RFX7: variants seen among roughly 807,000 people sequenced by gnomAD.
RFX7 encodes the protein regulatory factor X7.
A neutral mutation model predicts 111.8 loss-of-function variants in RFX7; 26 were observed. That is an observed-to-expected ratio of 0.23 (90% CI 0.17 to 0.32). RFX7 has a LOEUF of 0.32. Among genes scored for constraint, RFX7 ranks in the 10% least tolerant of loss-of-function variants. The pLI, the probability that RFX7 is intolerant of heterozygous loss-of-function variation, is 1.00. For synonymous variants in RFX7, 624 were observed against 624.4 expected, an observed-to-expected ratio of 1.00 and a Z score of 0.01; for missense variants, 1,573 against 1,772.9, an observed-to-expected ratio of 0.89 and a Z score of 2.02.
chr15:56,106,262 A>ATACT (rs751513779), intron 5 of RFX7, among the ~76,000 whole-genome samples: 1 of 152,172 alleles, frequency 6.6e-6, no homozygotes, highest in Non-Finnish European at 1.5e-5. Flanking sequence ...CTGGTTTTTG[A>ATACT]TACTTATTCT....
chr15:56,179,973 A>G (rs2042950872), intron 2 of RFX7, among the ~76,000 whole-genome samples: 1 of 152,232 alleles, frequency 6.6e-6, no homozygotes, highest in African/African-American at 2.4e-5. Context: ...CTGTTAATAT[A>G]TAACACAAAT....
In RFX7 at chr15:56,096,000, G is replaced by A. The variant is rs764579346; in HGVS notation, c.1728C>T (p.Asp576=). ...CATTTGAAGGTTTCTGCAGTGCTCCGTCTGTATTACTTTTCTGCCCCAAAA... is the reference window on the plus strand; with the variant it reads ...CATTTGAAGGTTTCTGCAGTGCTCCATCTGTATTACTTTTCTGCCCCAAAA... ...SALLGQKSNT[D]GALQKPSNEG... The change falls in exon 10 of 10, where the codon GAC becomes GAT. Residue 576 remains aspartate (D), a synonymous_variant. Coordinates refer to ENST00000559447, the MANE Select transcript of RFX7 (RefSeq NM_022841.7). 5.6e-6 allele frequency: 9 copies of A among 1,612,300 alleles called. No individual in the cohort carries two copies. Among genetic ancestry groups the A allele is most frequent in the East Asian group, 2.2e-5 (1 of 44,868 alleles).
chr15:56,121,606 T>C (rs2042079622), intron 5 of RFX7, among the ~76,000 whole-genome samples: 1 of 152,202 alleles, frequency 6.6e-6, no homozygotes, highest in African/African-American at 2.4e-5. Flanking sequence ...TCTCTTTGAA[T>C]AAACTTTCTA....
intron 5 of RFX7, among the ~76,000 whole-genome samples, chr15:56,130,747 T>TAAAAA (rs2042201151): frequency 2.0e-5 from 3 of 150,454 alleles, no homozygotes; most frequent in Non-Finnish European, 4.5e-5. Flanking sequence ...AAGAAAAATC[T>TAAAAA]AAAAAATAAA....
At chr15:56,153,391 C>A (rs745366866) in intron 3 of RFX7, among the ~76,000 whole-genome samples, 19 of 152,198 alleles carry the variant, frequency 1.2e-4, no homozygotes, top group Admixed American at 3.3e-4. Context: ...CCCTGGGATG[C>A]AAGGCTTGTT....
chr15:56,178,781 C>T (rs2042931533), intron 3 of RFX7, among the ~76,000 whole-genome samples: 1 of 152,152 alleles, frequency 6.6e-6, no homozygotes, highest in Non-Finnish European at 1.5e-5. Context: ...AACTAATCCA[C>T]TAAGCATCTT....
At chr15:56,216,698 CA>C (rs2043366047) in intron 2 of RFX7, among the ~76,000 whole-genome samples, 1 of 152,294 alleles carries the variant, frequency 6.6e-6, no homozygotes, top group South Asian at 2.1e-4. Context: ...ACTTTCCCCC[CA>C]AGTACAAGCC....
chr15:56,168,721 TAA>T (rs2042810784), intron 3 of RFX7, among the ~76,000 whole-genome samples: 1 of 152,162 alleles, frequency 6.6e-6, no homozygotes, highest in Non-Finnish European at 1.5e-5. Context: ...TTGAAGTTCC[TAA>T]AGTGGTTTTC....
At chr15:56,197,391 T>C (rs983840693) in intron 2 of RFX7, among the ~76,000 whole-genome samples, 1 of 152,180 alleles carries the variant, frequency 6.6e-6, no homozygotes, top group Non-Finnish European at 1.5e-5. Flanking sequence ...TTATGAAAAG[T>C]GCTTTTGACA....
chr15:56,154,760 C>G (rs2042627408), intron 3 of RFX7, among the ~76,000 whole-genome samples: 1 of 152,144 alleles, frequency 6.6e-6, no homozygotes. Context: ...GCAATGGCAA[C>G]AAAAGCCAGA....
At chr15:56,098,443 T>C in intron 8 of RFX7, 67 bp from the exon 9 acceptor site, 1 of 1,476,658 alleles carries the variant, frequency 6.8e-7, no homozygotes. Context: ...TTCCTTTGAA[T>C]TTCTTTGAGA....
At chr15:56,217,573 A>G (rs1302829397) in intron 2 of RFX7, among the ~76,000 whole-genome samples, 1 of 152,166 alleles carries the variant, frequency 6.6e-6, no homozygotes, top group East Asian at 1.9e-4. Flanking sequence ...TAGACTTTAT[A>G]TAGACTTTAT....
intron 5 of RFX7, among the ~76,000 whole-genome samples, chr15:56,104,179 G>A (rs1209061116): frequency 6.6e-6 from 1 of 152,104 alleles, no homozygotes; most frequent in African/African-American, 2.4e-5. Context: ...ACAGGCAAGG[G>A]GAGAGGTTCC....
At position 56,094,390 on chromosome 15, in the gene RFX7, T is replaced by C. The variant is rs1403636184; in HGVS notation, c.3338A>G (p.His1113Arg). Reference sequence around the variant, plus strand: ...CAAACGACCAAAATGAGTGTCATGATGTCTGGATTGAGACTGATAAGACTG... The same window carrying C: ...CAAACGACCAAAATGAGTGTCATGACGTCTGGATTGAGACTGATAAGACTG... ...PGQSYQSQSR[H>R]HDTHFGRLTP... is the part of the protein sequence containing the mutation. Residue 1113 changes from histidine (H) to arginine (R), a missense_variant, in exon 10 of 10, where the codon CAT (histidine) becomes CGT (arginine). Physicochemically the swap from His to Arg is conservative, Grantham distance 29. Transcript: ENST00000559447. 5.0e-6 allele frequency: 8 copies of C among 1,613,876 alleles called. No individual in the cohort carries two copies. The highest frequency in any genetic ancestry group is 6.8e-6 in the Non-Finnish European group (8 of 1,179,866).
At chr15:56,199,652 T>G (rs377281272) in intron 2 of RFX7, among the ~76,000 whole-genome samples, 72 of 152,248 alleles carry the variant, frequency 4.7e-4, no homozygotes, top group Middle Eastern at 3.4e-3. Flanking sequence ...TCAAATAAAT[T>G]TATTTAGTAA....
At chr15:56,120,638 C>A (rs2042065630) in intron 5 of RFX7, among the ~76,000 whole-genome samples, 1 of 152,066 alleles carries the variant, frequency 6.6e-6, no homozygotes, top group Non-Finnish European at 1.5e-5. Context: ...TCATATATGT[C>A]TTTTATTATG....
chr15:56,205,194 G>T (rs1198539554), intron 2 of RFX7, among the ~76,000 whole-genome samples: 2 of 152,174 alleles, frequency 1.3e-5, no homozygotes, highest in Non-Finnish European at 2.9e-5. Context: ...AAATGAAGTT[G>T]TGAGTAACAC....
chr15:56,174,952 C>T (rs1311941730), intron 3 of RFX7, among the ~76,000 whole-genome samples: 2 of 152,108 alleles, frequency 1.3e-5, no homozygotes, highest in Non-Finnish European at 2.9e-5. Flanking sequence ...TTCTATTAGC[C>T]TATCTCCCAG....
At chr15:56,132,951 G>A (rs1347241992) in intron 5 of RFX7, among the ~76,000 whole-genome samples, 1 of 151,976 alleles carries the variant, frequency 6.6e-6, no homozygotes, top group African/African-American at 2.4e-5. Flanking sequence ...AAACAGTGGG[G>A]CCAAATTTGG....
Sources: gnomAD v4.1 joint callset for allele counts (sites outside exome capture counted in the v4.1 genomes callset) on GRCh38, gnomAD v4.1.1 for gene constraint, MANE v1.5 for transcripts, NCBI Gene and HGNC (gene_info 2026-07-23, HGNC 2026-07-21) for gene names.